The following RTN1 variants were observed in gnomAD, a reference collection of about 807,000 sequenced individuals.
The protein encoded by RTN1 is reticulon-1.
In RTN1, 25 loss-of-function variants were observed where a neutral mutation model predicts 65.5. The ratio of observed to expected loss-of-function variants is 0.38; its 90% CI spans 0.28 to 0.53. The LOEUF is 0.53. Ranked by LOEUF, RTN1 falls within the 20% of genes least tolerant of loss-of-function variation. The probability of loss-of-function intolerance (pLI) is 0.79; values close to 1 mark genes in which losing one functional copy is unlikely to be tolerated. For missense variants in RTN1, 983 were observed against 1,025.4 expected (o/e 0.96, Z 0.57); for synonymous variants, 471 against 447.6 (o/e 1.05, Z -0.66).
At chr14:59,749,404 C>CTATATA (rs1327352334) in intron 1 of RTN1, among the ~76,000 whole-genome samples, 2 of 30,922 alleles carry the variant, frequency 6.5e-5, no homozygotes, top group African/African-American at 6.7e-4. Flanking sequence ...CTATATATAT[C>CTATATA]TATATCTATA....
At position 59,869,584 on chromosome 14, in the gene RTN1, G is replaced by A. The variant is rs201181398; in HGVS notation, c.241+806C>T. On this transcript the variant is annotated intron_variant, in intron 1 of 8. Coordinates refer to ENST00000267484, the MANE Select transcript of RTN1 (RefSeq NM_021136.3). ...ACCCAGGGCAATTTCCGGGGTGGGGGGGGGGGGGCGCTTAGACTGCTGGTA... is the reference window on the plus strand; with the variant it reads ...ACCCAGGGCAATTTCCGGGGTGGGGAGGGGGGGGCGCTTAGACTGCTGGTA... 3.6e-3 allele frequency among the ~76,000 whole-genome samples: 481 copies of A among 132,540 alleles called. 24 individuals are homozygous for A. In the East Asian group the frequency reaches 0.079, roughly 22 times the overall value. The allele number at this position is 132,540 out of a possible 152,430, so 87.0% of individuals were successfully genotyped here.
At chr14:59,784,373 G>A (rs1385514725) in intron 1 of RTN1, among the ~76,000 whole-genome samples, 8 of 151,988 alleles carry the variant, frequency 5.3e-5, no homozygotes, top group East Asian at 3.9e-4. Flanking sequence ...CCTGGGAGGC[G>A]GAGGTTGTGG....
intron 1 of RTN1, among the ~76,000 whole-genome samples, chr14:59,852,079 A>G (rs1275472224): frequency 6.6e-6 from 1 of 152,148 alleles, no homozygotes; most frequent in African/African-American, 2.4e-5. Flanking sequence ...TGGTAATTCA[A>G]ACATAATGGG....
rs1427430266 is a variant in RTN1, at chr14:59,630,395, C to A, written c.1766-22903G>T. 4 of 1,611,430 alleles carry A rather than the reference C, an allele frequency of 2.5e-6. No individual in the cohort carries two copies. The South Asian group carries it at 3.3e-5, about 13-fold the overall frequency. The stretch of plus-strand genomic sequence containing the variant: ...TGATGCACAATGGACGAGTCCAGGT[C>A]CCGGGTTTCCCGTGCGCCTCAGGCA... On this transcript the variant is annotated intron_variant, in intron 3 of 8. Transcript: ENST00000267484.
chr14:59,627,687 C>A (rs2140182027), intron 3 of RTN1, among the ~76,000 whole-genome samples: 1 of 152,288 alleles, frequency 6.6e-6, no homozygotes, highest in East Asian at 1.9e-4. Context: ...GCCTCCCTTT[C>A]TTTAAACATT....
chr14:59,770,198 C>T (rs1302921274), intron 1 of RTN1, among the ~76,000 whole-genome samples: 1 of 151,248 alleles, frequency 6.6e-6, no homozygotes, highest in Non-Finnish European at 1.5e-5. Flanking sequence ...GTCAACATGG[C>T]GAAACCCCGT....
chr14:59,691,131 C>A (rs192539836), intron 3 of RTN1, among the ~76,000 whole-genome samples: 2 of 151,908 alleles, frequency 1.3e-5, no homozygotes, highest in African/African-American at 4.8e-5. Context: ...CCATGCAAAC[C>A]TAACAAACCC....
At chr14:59,835,799 T>C (rs1887203038) in intron 1 of RTN1, among the ~76,000 whole-genome samples, 1 of 152,178 alleles carries the variant, frequency 6.6e-6, no homozygotes, top group Non-Finnish European at 1.5e-5. Context: ...GTGATACAAT[T>C]AATGATAACA....
At chr14:59,710,642 C>G (rs768546037) in intron 3 of RTN1, among the ~76,000 whole-genome samples, 1 of 152,210 alleles carries the variant, frequency 6.6e-6, no homozygotes, top group Non-Finnish European at 1.5e-5. Context: ...GGGCTGCCAA[C>G]TGAGCTCAGG....
At chr14:59,780,230 G>T (rs891821900) in intron 1 of RTN1, among the ~76,000 whole-genome samples, 20 of 152,168 alleles carry the variant, frequency 1.3e-4, no homozygotes, top group African/African-American at 4.6e-4. Context: ...TGCCACAAAG[G>T]GTAGAGAGGA....
rs180883404 is a variant in RTN1, at chr14:59,613,886, G to T, written c.1766-6394C>A. Among the ~76,000 whole-genome samples, 46 of 152,184 alleles carry T rather than the reference G, an allele frequency of 3.0e-4. No individual in the cohort carries two copies. The East Asian group carries it at 5.2e-3, about 17-fold the overall frequency. On this transcript the variant is annotated intron_variant, in intron 3 of 8. Transcript: ENST00000267484. Reference sequence around the variant, plus strand: ...AATCCCTCTCAAAATTAAAGGATCTGTTCTGTTTTGCATACTGTTATCTGA... The same window carrying T: ...AATCCCTCTCAAAATTAAAGGATCTTTTCTGTTTTGCATACTGTTATCTGA...
At chr14:59,728,303 A>G (rs1042308231) in intron 2 of RTN1, among the ~76,000 whole-genome samples, 18 of 141,404 alleles carry the variant, frequency 1.3e-4, no homozygotes, top group African/African-American at 4.9e-4. Flanking sequence ...GTAAGAGATC[A>G]CTTCTGCCAA....
At chr14:59,653,601 T>C (rs1390217597) in intron 3 of RTN1, among the ~76,000 whole-genome samples, 4 of 151,796 alleles carry the variant, frequency 2.6e-5, no homozygotes, top group Non-Finnish European at 4.4e-5. Flanking sequence ...AATAAAAATA[T>C]AAGCAATAAA....
At chr14:59,852,807 A>T (rs1887532968) in intron 1 of RTN1, among the ~76,000 whole-genome samples, 1 of 152,202 alleles carries the variant, frequency 6.6e-6, no homozygotes, top group African/African-American at 2.4e-5. Context: ...AAATTAATAC[A>T]ACAAAATTTA....
At chr14:59,753,218 A>G (rs1252524581) in intron 1 of RTN1, among the ~76,000 whole-genome samples, 1 of 152,182 alleles carries the variant, frequency 6.6e-6, no homozygotes, top group Non-Finnish European at 1.5e-5. Flanking sequence ...AAAATAAAAT[A>G]TTATTAGAGA....
chr14:59,749,508 TAG>T (rs367828069), intron 1 of RTN1, among the ~76,000 whole-genome samples: 3 of 37,912 alleles, frequency 7.9e-5, no homozygotes, highest in African/African-American at 5.1e-4. Context: ...TATCTATATA[TAG>T]ATATCTATAT....
intron 2 of RTN1, among the ~76,000 whole-genome samples, chr14:59,734,043 T>C (rs1483415240): frequency 6.6e-6 from 1 of 152,214 alleles, no homozygotes; most frequent in African/African-American, 2.4e-5. Context: ...CAGGCTGCCA[T>C]CTTTACTGTT....
intron 1 of RTN1, among the ~76,000 whole-genome samples, chr14:59,786,738 C>T (rs1005185078): frequency 3.9e-5 from 6 of 152,128 alleles, no homozygotes; most frequent in Non-Finnish European, 8.8e-5. Context: ...AATACGCAGG[C>T]TAACATGTCA....
At chr14:59,625,226 G>A (rs564157564) in intron 3 of RTN1, among the ~76,000 whole-genome samples, 5 of 152,252 alleles carry the variant, frequency 3.3e-5, no homozygotes, top group South Asian at 4.1e-4. Flanking sequence ...TAGGATTATC[G>A]TTTTTTAATG....
Sources: gnomAD v4.1 joint callset for allele counts (sites outside exome capture counted in the v4.1 genomes callset) on GRCh38, gnomAD v4.1.1 for gene constraint, MANE v1.5 for transcripts, NCBI Gene and HGNC (gene_info 2026-07-23, HGNC 2026-07-21) for gene names.